THSD4: variants seen among roughly 807,000 people sequenced by gnomAD.
The protein encoded by THSD4 is thrombospondin type 1 domain containing 4.
THSD4 carries 69 observed loss-of-function variants against 119.0 expected under a neutral mutation model. The ratio of observed to expected loss-of-function variants is 0.58; its 90% CI spans 0.48 to 0.71. THSD4 has a LOEUF of 0.71. Among genes scored for constraint, THSD4 ranks in the 30% least tolerant of loss-of-function variants. The pLI, the probability that THSD4 is intolerant of heterozygous loss-of-function variation, is 0.00. For synonymous variants in THSD4, 524 were observed against 540.4 expected (o/e 0.97, Z 0.42); for missense variants, 1,393 against 1,391.1 (o/e 1.00, Z -0.02).
chr15:71,216,827 T>C (rs1802662241), intron 4 of THSD4, among the ~76,000 whole-genome samples: 1 of 152,184 alleles, frequency 6.6e-6, no homozygotes, highest in African/African-American at 2.4e-5. Flanking sequence ...AGACAGAGTC[T>C]CACGCTGTCA....
chr15:71,637,085 C>T (rs984509243), intron 7 of THSD4, among the ~76,000 whole-genome samples: 1 of 152,034 alleles, frequency 6.6e-6, no homozygotes, highest in Non-Finnish European at 1.5e-5. Flanking sequence ...CGGGGTTTCA[C>T]CATGTTGGCC....
chr15:71,279,922 G>C (rs2044632723), intron 6 of THSD4, among the ~76,000 whole-genome samples: 1 of 152,202 alleles, frequency 6.6e-6, no homozygotes, highest in Non-Finnish European at 1.5e-5. Flanking sequence ...AAAAGCCCTA[G>C]CTCCCTTGGA....
chr15:71,776,293 A>T (rs998521554), intron 17 of THSD4, among the ~76,000 whole-genome samples: 1 of 152,250 alleles, frequency 6.6e-6, no homozygotes, highest in African/African-American at 2.4e-5. Context: ...GAAAAGCCAC[A>T]GGCTGAAGAA....
intron 7 of THSD4, among the ~76,000 whole-genome samples, chr15:71,414,318 T>C (rs1288080153): frequency 1.3e-5 from 2 of 152,210 alleles, no homozygotes; most frequent in African/African-American, 4.8e-5. Context: ...TATGCAAAAG[T>C]GTTTGCCTTT....
intron 6 of THSD4, among the ~76,000 whole-genome samples, chr15:71,261,535 A>G (rs888192717): frequency 5.3e-5 from 8 of 152,158 alleles, no homozygotes; most frequent in African/African-American, 1.7e-4. Context: ...ATCCCAGACA[A>G]ACTATACCAT....
At chr15:71,145,655 TG>T (rs1395522192) in intron 2 of THSD4, among the ~76,000 whole-genome samples, 4 of 152,124 alleles carry the variant, frequency 2.6e-5, no homozygotes, top group Non-Finnish European at 5.9e-5. Context: ...TAAGAAAACG[TG>T]TTTTTATGTG....
intron 6 of THSD4, among the ~76,000 whole-genome samples, chr15:71,379,048 C>A (rs746359386): frequency 3.9e-5 from 6 of 152,108 alleles, no homozygotes; most frequent in Non-Finnish European, 7.4e-5. Context: ...CCTCCCAAAG[C>A]GCTGGGATTA....
intron 6 of THSD4, among the ~76,000 whole-genome samples, chr15:71,263,331 G>GTATATATATATATATCTATATATA: frequency 7.2e-6 from 1 of 138,842 alleles, no homozygotes; most frequent in Non-Finnish European, 1.6e-5. Context: ...GTATTCCATG[G>GTATATATATATATATCTATATATA]TATATATATA....
chr15:71,568,307 C>T lies in THSD4; in HGVS notation c.1153-92223C>T, dbSNP rs2049280253. Among the ~76,000 whole-genome samples the T allele has an allele frequency of 2.0e-5, 3 of 152,100 alleles. No individual in the cohort carries two copies. In the South Asian group the frequency reaches 6.3e-4, roughly 32 times the overall value. On this transcript the variant is annotated intron_variant, in intron 7 of 17. Transcript: ENST00000261862. ...AAATGCATGTTTTCTTCAAAGTGGCCACAGAGACAGATGCCCATCATCCCC... is the reference window on the plus strand; with the variant it reads ...AAATGCATGTTTTCTTCAAAGTGGCTACAGAGACAGATGCCCATCATCCCC...
chr15:71,735,704 C>T (rs371578959), intron 10 of THSD4, among the ~76,000 whole-genome samples: 1 of 151,312 alleles, frequency 6.6e-6, no homozygotes, highest in Non-Finnish European at 1.5e-5. Flanking sequence ...GTCTCTGTCT[C>T]TCTTGCTCTC....
intron 3 of THSD4, among the ~76,000 whole-genome samples, chr15:71,200,004 T>C: frequency 6.7e-6 from 1 of 148,186 alleles, no homozygotes; most frequent in East Asian, 2.0e-4. Context: ...AGAACTGTTG[T>C]TCTAGAAGCA....
chr15:71,334,315 A>G (rs1364173646), intron 6 of THSD4, among the ~76,000 whole-genome samples: 1 of 152,192 alleles, frequency 6.6e-6, no homozygotes, highest in Admixed American at 6.5e-5. Flanking sequence ...GACTTCTTCA[A>G]AATCCTAGCT....
At chr15:71,199,855 C>G in intron 3 of THSD4, among the ~76,000 whole-genome samples, 1 of 89,502 alleles carries the variant, frequency 1.1e-5, no homozygotes, top group African/African-American at 5.1e-5. Flanking sequence ...GTGTGTGATG[C>G]ATGTGTGGGG....
In THSD4 at chr15:71,279,591, G is replaced by C. The variant is rs531158232; in HGVS notation, c.1015+22876G>C. Reference sequence around the variant, plus strand: ...CATCTCCAGGAGGGAAGTGTGGAGGGTGCCTGGGGCATCCGTACCGCCCTG... The same window carrying C: ...CATCTCCAGGAGGGAAGTGTGGAGGCTGCCTGGGGCATCCGTACCGCCCTG... On this transcript the variant is annotated intron_variant, in intron 6 of 17. Transcript: ENST00000261862. Among the ~76,000 whole-genome samples the C allele has an allele frequency of 1.2e-4, 18 of 152,286 alleles. No homozygotes were observed. In the East Asian group the frequency reaches 3.3e-3, roughly 28 times the overall value.
chr15:71,594,913 G>A (rs1231234668), intron 7 of THSD4, among the ~76,000 whole-genome samples: 1 of 152,170 alleles, frequency 6.6e-6, no homozygotes, highest in Non-Finnish European at 1.5e-5. Flanking sequence ...GAGGGATTGG[G>A]GAAGGCTTCT....
intron 6 of THSD4, among the ~76,000 whole-genome samples, chr15:71,258,323 T>C (rs1465624666): frequency 6.6e-6 from 1 of 151,988 alleles, no homozygotes; most frequent in Non-Finnish European, 1.5e-5. Flanking sequence ...GGATTACAGG[T>C]GTGCAACACT....
chr15:71,740,580 G>T (rs747432583), intron 11 of THSD4, among the ~76,000 whole-genome samples: 9 of 152,148 alleles, frequency 5.9e-5, no homozygotes, highest in Non-Finnish European at 1.2e-4. Flanking sequence ...CTGGTTCCCT[G>T]TGTCTCCTCC....
At chr15:71,469,167 T>G (rs573617096) in intron 7 of THSD4, among the ~76,000 whole-genome samples, 1 of 152,322 alleles carries the variant, frequency 6.6e-6, no homozygotes, top group East Asian at 1.9e-4. Context: ...TTGGGTGTTC[T>G]TCTCAAACAC....
In THSD4 at chr15:71,688,768, G is replaced by A. The variant is rs2051978018; in HGVS notation, c.1357+28034G>A. Among the ~76,000 whole-genome samples the A allele has an allele frequency of 2.0e-5, 3 of 150,786 alleles. No homozygotes were observed. In the South Asian group the frequency reaches 6.3e-4, roughly 32 times the overall value. On this transcript the variant is annotated intron_variant, in intron 8 of 17. Transcript: ENST00000261862. ...CTGTGACAGAGCAAGAGAGAGAAGAGAGAGAGGTGCCTGTAATTTTCTAAA... is the reference window on the plus strand; with the variant it reads ...CTGTGACAGAGCAAGAGAGAGAAGAAAGAGAGGTGCCTGTAATTTTCTAAA...
Sources: gnomAD v4.1 joint callset for allele counts (sites outside exome capture counted in the v4.1 genomes callset) on GRCh38, gnomAD v4.1.1 for gene constraint, MANE v1.5 for transcripts, NCBI Gene and HGNC (gene_info 2026-07-23, HGNC 2026-07-21) for gene names.